The following TTC39C variants were observed in gnomAD, a reference collection of about 807,000 sequenced individuals.
TTC39C encodes the protein tetratricopeptide repeat protein 39C.
A neutral mutation model predicts 76.3 loss-of-function variants in TTC39C; 33 were observed. That is an observed-to-expected ratio of 0.43 (90% CI 0.33 to 0.58). The LOEUF (loss-of-function observed/expected upper bound fraction) is 0.58. TTC39C is among the 20% of genes least tolerant of loss of function. The pLI, the probability that TTC39C is intolerant of heterozygous loss-of-function variation, is 0.04. For synonymous variants in TTC39C, 254 were observed against 260.6 expected, an observed-to-expected ratio of 0.97 and a Z score of 0.24; for missense variants, 595 against 701.4, an observed-to-expected ratio of 0.85 and a Z score of 1.71.
At chr18:24,021,639 G>A (rs954481410) in intron 1 of TTC39C, among the ~76,000 whole-genome samples, 1 of 148,632 alleles carries the variant, frequency 6.7e-6, no homozygotes, top group Non-Finnish European at 1.5e-5. Context: ...TCCGCCTCCT[G>A]GGTTCAAGGG....
intron 1 of TTC39C, among the ~76,000 whole-genome samples, chr18:24,031,236 G>A (rs1243958005): frequency 6.6e-6 from 1 of 150,898 alleles, no homozygotes; most frequent in Non-Finnish European, 1.5e-5. Context: ...GGGATTACAG[G>A]CGTGAGCCAC....
At chr18:24,027,271 C>CA (rs201345475) in intron 1 of TTC39C, among the ~76,000 whole-genome samples, 2,904 of 150,662 alleles carry the variant, frequency 0.019, 120 homozygotes, top group African/African-American at 0.067. Context: ...GACTCCATCT[C>CA]AAAAGAAAAA....
chr18:24,045,589 C>T (rs1017450469), intron 1 of TTC39C, among the ~76,000 whole-genome samples: 5 of 151,762 alleles, frequency 3.3e-5, no homozygotes, highest in Admixed American at 3.3e-4. Context: ...ACGTAAACTC[C>T]GTGGGAAGGG....
At chr18:24,017,691 T>G (rs1277906807) in intron 1 of TTC39C, among the ~76,000 whole-genome samples, 1 of 152,210 alleles carries the variant, frequency 6.6e-6, no homozygotes, top group Non-Finnish European at 1.5e-5. Flanking sequence ...GGCTCAGCAG[T>G]GACTTGATAA....
In TTC39C at chr18:24,135,180, T is replaced by C. The variant is rs1328654818; in HGVS notation, c.*2606T>C. ...ACCGTGCCTGGCTAATTTTTGCAGT[T>C]TTAGTAGAGGCAGGGTTCCACCACC... On this transcript the variant is annotated 3_prime_UTR_variant, in exon 14 of 14. Transcript: ENST00000317571. The C allele has an allele frequency of 5.9e-5, 9 of 152,034 alleles. No homozygotes were observed. The highest frequency in any genetic ancestry group is 5.9e-4 in the Admixed American group (9 of 15,260). 9.4% of individuals were successfully genotyped at this position (152,034 alleles called of 1,614,324 possible).
At chr18:24,010,083 AAC>A (rs996801842), upstream of TTC39C, among the ~76,000 whole-genome samples, 5 of 152,374 alleles carry the variant, frequency 3.3e-5, no homozygotes, top group African/African-American at 1.2e-4. Context: ...TAGATAAATT[AAC>A]AGAGTTTAAT....
chr18:24,014,703 C>T (rs1034403398), upstream of TTC39C: 2 of 1,052,508 alleles, frequency 1.9e-6, no homozygotes, highest in Non-Finnish European at 2.4e-6. Context: ...GCCGCGGCTC[C>T]TCCCTCCGCG....
chr18:24,045,432 A>G (rs556912859), intron 1 of TTC39C, among the ~76,000 whole-genome samples: 1 of 152,264 alleles, frequency 6.6e-6, no homozygotes, highest in Admixed American at 6.5e-5. Flanking sequence ...TTATAACTTA[A>G]AATATTATGG....
intron 1 of TTC39C, among the ~76,000 whole-genome samples, chr18:24,061,136 CCCTCCCTCACCTTA>C (rs1226389247): frequency 6.6e-6 from 1 of 150,696 alleles, no homozygotes; most frequent in African/African-American, 2.4e-5. Context: ...TTCCCTATTC[CCCTCCCTCACCTTA>C]TAGGTATCAA....
rs2084862210 is a variant in TTC39C at position 24,114,311 on chromosome 18, G to A, written c.985-243G>A. On this transcript the variant is annotated intron_variant, in intron 6 of 13. Transcript: ENST00000317571. ...CTGAGCAAAGGAGAGAACGCTGGAGGAGAAGGCGGCGCGAGCTGAGCCCTT... is the reference window on the plus strand; with the variant it reads ...CTGAGCAAAGGAGAGAACGCTGGAGAAGAAGGCGGCGCGAGCTGAGCCCTT... 18 of 266,550 alleles carry A rather than the reference G, an allele frequency of 6.8e-5. 1 individual carries two copies. Among genetic ancestry groups the A allele is most frequent in the South Asian group, 4.9e-4 (17 of 34,572 alleles). The allele number at this position is 266,550 out of a possible 1,614,324, so 16.5% of individuals were successfully genotyped here. A position where few individuals can be genotyped will look rare whatever the true frequency, so the allele number is the denominator to read the frequency against.
intron 1 of TTC39C, among the ~76,000 whole-genome samples, chr18:24,060,373 AGTG>A: frequency 7.8e-6 from 1 of 127,788 alleles, no homozygotes; most frequent in East Asian, 2.5e-4. Flanking sequence ...GCTGAAGTGC[AGTG>A]GCGCGATCTC....
chr18:24,131,257 AT>A (rs1418737267), intron 12 of TTC39C, among the ~76,000 whole-genome samples: 1 of 151,518 alleles, frequency 6.6e-6, no homozygotes, highest in African/African-American at 2.4e-5. Flanking sequence ...ACTGATTCAG[AT>A]AAAACCTTTT....
At chr18:24,066,245 A>G (rs1171488487) in intron 3 of TTC39C, 105 bp downstream of exon 3, 18 of 1,400,056 alleles carry the variant, frequency 1.3e-5, no homozygotes, top group East Asian at 2.7e-5. Flanking sequence ...TATTTAGAAT[A>G]TGACTGAAAA....
At chr18:24,024,710 A>G (rs933500340) in intron 1 of TTC39C, among the ~76,000 whole-genome samples, 1 of 152,142 alleles carries the variant, frequency 6.6e-6, no homozygotes, top group African/African-American at 2.4e-5. Flanking sequence ...TCTGCACACC[A>G]ACAACTTTAG....
chr18:24,079,088 A>G (rs2084343299), intron 4 of TTC39C, among the ~76,000 whole-genome samples: 1 of 152,174 alleles, frequency 6.6e-6, no homozygotes, highest in African/African-American at 2.4e-5. Flanking sequence ...ACTGTTCTAA[A>G]GGGCCTGGAA....
intron 9 of TTC39C, 147 bp downstream of exon 9, chr18:24,124,090 T>G: frequency 1.7e-6 from 1 of 573,008 alleles, no homozygotes; most frequent in Non-Finnish European, 3.0e-6. Flanking sequence ...GAGGATTCTC[T>G]CCATGATTGT....
chr18:23,993,997 C>A (rs1212757545), intron 1 of TTC39C, among the ~76,000 whole-genome samples: 1 of 152,160 alleles, frequency 6.6e-6, no homozygotes, highest in East Asian at 1.9e-4. Flanking sequence ...ACAAAGCTTT[C>A]TTCTCTGAGA....
rs201906825 is a variant in TTC39C at position 24,114,558 on chromosome 18, A to G, written c.989A>G (p.Gln330Arg). ...CTGTTTTCCTTTTCTCCTTAGTGTCAAATCAACAGTGCCTTGACATCTTTC... is the reference window on the plus strand; with the variant it reads ...CTGTTTTCCTTTTCTCCTTAGTGTCGAATCAACAGTGCCTTGACATCTTTC... ...FKGRIQRLEC[Q>R]INSALTSFHT... The change falls in exon 7 of 14, where the codon CAA becomes CGA. Residue 330 changes from glutamine to arginine, a missense_variant. Gln to Arg is a conservative substitution (Grantham distance 43, BLOSUM62 1). Coordinates refer to ENST00000317571, the MANE Select transcript of TTC39C (RefSeq NM_001135993.2). 20 of 1,613,742 alleles carry G rather than the reference A, an allele frequency of 1.2e-5. No individual in the cohort carries two copies. In the East Asian group the frequency reaches 2.5e-4, roughly 20 times the overall value.
At chr18:24,113,315 AT>A (rs757237493) in intron 6 of TTC39C, 3 of 484,642 alleles carry the variant, frequency 6.2e-6, no homozygotes, top group Non-Finnish European at 1.1e-5. Flanking sequence ...CTGCTGACTC[AT>A]TGGTGCCCTT....
Sources: gnomAD v4.1 joint callset for allele counts (sites outside exome capture counted in the v4.1 genomes callset) on GRCh38, gnomAD v4.1.1 for gene constraint, MANE v1.5 for transcripts, NCBI Gene and HGNC (gene_info 2026-07-23, HGNC 2026-07-21) for gene names.